The following RPGRIP1 variants were observed in gnomAD, a reference collection of about 807,000 sequenced individuals.
RPGRIP1 encodes X-linked retinitis pigmentosa GTPase regulator-interacting protein 1.
RPGRIP1 carries 128 observed loss-of-function variants against 157.9 expected under a neutral mutation model. That is an observed-to-expected ratio of 0.81 (90% CI 0.70 to 0.94). RPGRIP1 has a LOEUF of 0.94. Ranked by LOEUF, RPGRIP1 falls within the 40% of genes least tolerant of loss-of-function variation. The pLI is 0.00. For missense variants in RPGRIP1, 1,486 were observed against 1,545.8 expected (o/e 0.96, Z 0.65); for synonymous variants, 554 against 571.6 (o/e 0.97, Z 0.44).
At chr14:21,318,120 T>A in intron 11 of RPGRIP1, 1 of 596,042 alleles carries the variant, frequency 1.7e-6, no homozygotes, top group East Asian at 3.6e-5. Flanking sequence ...GTTTGTTTGT[T>A]TTTGAGGTGG....
chr14:21,320,205 C>T (rs1311390904), intron 12 of RPGRIP1, 28 bp downstream of exon 12: 6 of 1,589,382 alleles, frequency 3.8e-6, no homozygotes, highest in Non-Finnish European at 5.2e-6. Context: ...CAAACTAGTC[C>T]ACTCTGCAGA....
At chr14:21,308,115 C>T (rs1265045462) in intron 7 of RPGRIP1, among the ~76,000 whole-genome samples, 1 of 152,098 alleles carries the variant, frequency 6.6e-6, no homozygotes, top group African/African-American at 2.4e-5. Flanking sequence ...GGTTACGGTC[C>T]CCTACGAAGA....
intron 3 of RPGRIP1, among the ~76,000 whole-genome samples, chr14:21,295,126 G>A (rs906642621): frequency 2.6e-5 from 4 of 152,020 alleles, no homozygotes; most frequent in African/African-American, 9.6e-5. Flanking sequence ...TTACAGATGC[G>A]AGCCACTCTG....
chr14:21,295,436 T>A (rs1042191228), intron 3 of RPGRIP1, among the ~76,000 whole-genome samples: 16 of 125,102 alleles, frequency 1.3e-4, no homozygotes, highest in African/African-American at 4.8e-4. Context: ...TTGTAAGTGC[T>A]ATCTATACAT....
At chr14:21,330,555 A>G (rs1249882274) in intron 20 of RPGRIP1, among the ~76,000 whole-genome samples, 168 bp downstream of exon 20, 3 of 152,052 alleles carry the variant, frequency 2.0e-5, no homozygotes, top group South Asian at 2.1e-4. Context: ...AATCCCAGCT[A>G]CGTGGGCGGC....
intron 3 of RPGRIP1, among the ~76,000 whole-genome samples, chr14:21,296,286 C>G (rs376712638): frequency 2.6e-5 from 4 of 151,840 alleles, no homozygotes; most frequent in African/African-American, 9.7e-5. Context: ...AGGCTGGTCT[C>G]GAACTCCTGA....
chr14:21,338,065 C>T (rs549671689), intron 21 of RPGRIP1, among the ~76,000 whole-genome samples: 21 of 152,176 alleles, frequency 1.4e-4, no homozygotes, highest in African/African-American at 4.3e-4. Flanking sequence ...TACAGGCGCA[C>T]GCCACCATGC....
At chr14:21,284,884 G>C (rs1048570283) in intron 1 of RPGRIP1, among the ~76,000 whole-genome samples, 1 of 152,054 alleles carries the variant, frequency 6.6e-6, no homozygotes, top group African/African-American at 2.4e-5. Context: ...AACTGGAAAA[G>C]ACTGGAATCA....
chr14:21,328,345 T>C, intron 18 of RPGRIP1, 79 bp from the exon 19 acceptor site: 2 of 1,014,432 alleles, frequency 2.0e-6, no homozygotes, highest in Non-Finnish European at 3.0e-6. Flanking sequence ...AGTCTAACAC[T>C]AGTTCCCAAA....
chr14:21,294,594 TG>T, intron 2 of RPGRIP1, 82 bp from the exon 3 acceptor site: 2 of 1,342,630 alleles, frequency 1.5e-6, no homozygotes, highest in Non-Finnish European at 2.1e-6. Context: ...TTATGCTCTC[TG>T]GACAAGATGT....
At chr14:21,336,457 C>A (rs1001745391) in intron 21 of RPGRIP1, among the ~76,000 whole-genome samples, 1 of 152,158 alleles carries the variant, frequency 6.6e-6, no homozygotes, top group Non-Finnish European at 1.5e-5. Flanking sequence ...ATTGCTTGAG[C>A]CTGAGAGTTT....
intron 22 of RPGRIP1, among the ~76,000 whole-genome samples, chr14:21,343,866 G>GGTTTTTTTTTTT (rs1885273916): frequency 2.0e-5 from 1 of 50,422 alleles, no homozygotes. Flanking sequence ...CTCTTTTCCT[G>GGTTTTTTTTTTT]TTTTTTTTTT....
At chr14:21,312,847 T>G (rs936850624) in intron 10 of RPGRIP1, among the ~76,000 whole-genome samples, 7 of 151,966 alleles carry the variant, frequency 4.6e-5, no homozygotes, top group Admixed American at 2.0e-4. Context: ...CCTTTTTTCT[T>G]TTTTTGAGAT....
chr14:21,294,219 T>G (rs1322535070), intron 2 of RPGRIP1, among the ~76,000 whole-genome samples: 1 of 142,076 alleles, frequency 7.0e-6, no homozygotes, highest in Non-Finnish European at 1.5e-5. Context: ...CCAGTAGGAG[T>G]CATTTCTGTT....
At chr14:21,329,739 G>A (rs547988032) in intron 19 of RPGRIP1, among the ~76,000 whole-genome samples, 73 of 150,956 alleles carry the variant, frequency 4.8e-4, no homozygotes, top group Non-Finnish European at 9.0e-4. Flanking sequence ...CAGGTGATCC[G>A]CCTGCCTCAG....
intron 6 of RPGRIP1, among the ~76,000 whole-genome samples, chr14:21,304,390 AG>A (rs1881192065): frequency 1.4e-4 from 2 of 14,176 alleles, no homozygotes; most frequent in African/African-American, 6.3e-4. Context: ...AAGGAGAGAG[AG>A]AAAGAAAGAA....
At chr14:21,298,677 C>T (rs993154057) in intron 3 of RPGRIP1, among the ~76,000 whole-genome samples, 2 of 151,988 alleles carry the variant, frequency 1.3e-5, no homozygotes, top group African/African-American at 4.8e-5. Context: ...CGTGGTGGCT[C>T]ATGCCTGTAA....
chr14:21,282,754 C>G (rs200672151), intron 1 of RPGRIP1, among the ~76,000 whole-genome samples: 1 of 151,900 alleles, frequency 6.6e-6, no homozygotes, highest in Admixed American at 6.6e-5. Context: ...GGACTACAGG[C>G]GCGTGCCACC....
intron 13 of RPGRIP1, 90 bp downstream of exon 13, chr14:21,321,492 C>T: frequency 4.6e-6 from 7 of 1,524,634 alleles, no homozygotes; most frequent in Non-Finnish European, 6.1e-6. Flanking sequence ...CCTAAGTTTC[C>T]AGGGCTGATA....
Sources: gnomAD v4.1 joint callset for allele counts (sites outside exome capture counted in the v4.1 genomes callset) on GRCh38, gnomAD v4.1.1 for gene constraint, MANE v1.5 for transcripts, NCBI Gene and HGNC (gene_info 2026-07-23, HGNC 2026-07-21) for gene names.